PARP15: variants seen among roughly 807,000 people sequenced by gnomAD.
The protein encoded by PARP15 is protein mono-ADP-ribosyltransferase PARP15.
In PARP15, 50 loss-of-function variants were observed where a neutral mutation model predicts 62.1. The ratio of observed to expected loss-of-function variants is 0.81; its 90% CI spans 0.64 to 1.02. The LOEUF is 1.02. Among genes scored for constraint, PARP15 ranks in the 50% least tolerant of loss-of-function variants. The pLI is 0.00. For missense variants in PARP15, 820 were observed against 826.5 expected, an observed-to-expected ratio of 0.99 and a Z score of 0.10; for synonymous variants, 309 against 293.1, an observed-to-expected ratio of 1.05 and a Z score of -0.55.
At chr3:122,633,760 C>T (rs779290445) in intron 10 of PARP15, among the ~76,000 whole-genome samples, 2 of 152,174 alleles carry the variant, frequency 1.3e-5, no homozygotes, top group African/African-American at 2.4e-5. Flanking sequence ...AACCAATCCT[C>T]CATGGATATT....
chr3:122,578,343 T>C (rs1190129787), intron 1 of PARP15, among the ~76,000 whole-genome samples: 1 of 152,226 alleles, frequency 6.6e-6, no homozygotes, highest in Non-Finnish European at 1.5e-5. Context: ...TCACTCATGC[T>C]TGCTTCTAGT....
intron 4 of PARP15, among the ~76,000 whole-genome samples, chr3:122,614,626 G>A (rs966536511): frequency 2.6e-5 from 4 of 152,066 alleles, no homozygotes; most frequent in African/African-American, 4.8e-5. Flanking sequence ...CAAACTGTTC[G>A]TGATATCTGT....
chr3:122,600,784 A>C (rs983153214), intron 1 of PARP15, among the ~76,000 whole-genome samples: 2 of 146,278 alleles, frequency 1.4e-5, no homozygotes, highest in African/African-American at 2.7e-5. Context: ...CCCCAAATTC[A>C]TTATTACCTT....
At chr3:122,607,718 G>A (rs185066634) in intron 2 of PARP15, among the ~76,000 whole-genome samples, 1 of 152,276 alleles carries the variant, frequency 6.6e-6, no homozygotes, top group Admixed American at 6.5e-5. Context: ...TCATATTGGG[G>A]TTTACCTATT....
intron 1 of PARP15, among the ~76,000 whole-genome samples, chr3:122,600,655 C>A: frequency 6.6e-6 from 1 of 152,136 alleles, no homozygotes; most frequent in East Asian, 1.9e-4. Context: ...AATCCCTTTG[C>A]AACATTTGGC....
chr3:122,629,067 G>A (rs1936907066), intron 9 of PARP15, among the ~76,000 whole-genome samples: 1 of 152,208 alleles, frequency 6.6e-6, no homozygotes, highest in Non-Finnish European at 1.5e-5. Flanking sequence ...CATGTGAGTA[G>A]GTGGGATTGA....
At position 122,621,524 on chromosome 3, in the gene PARP15, A is replaced by T; in HGVS notation, c.1144A>T (p.Lys382Ter). 1 of 1,614,104 alleles carries T rather than the reference A, an allele frequency of 6.2e-7. No homozygotes were observed. ...AATAATAATTCATGTTCCTGGGGGAAAAGATGTCAGGAAAACGGTCACCAG... is the reference window on the plus strand; with the variant it reads ...AATAATAATTCATGTTCCTGGGGGATAAGATGTCAGGAAAACGGTCACCAG... ...CKIIIHVPGG[K>*]DVRKTVTSVL... Residue 382 changes from lysine to a stop codon, truncating the protein, a stop_gained, in exon 8 of 12, where the codon AAA becomes TAA. Transcript: ENST00000464300. LOFTEE classifies it high-confidence loss of function.
intron 2 of PARP15, among the ~76,000 whole-genome samples, chr3:122,608,559 T>G (rs758904627): frequency 6.6e-6 from 1 of 152,138 alleles, no homozygotes; most frequent in Non-Finnish European, 1.5e-5. Context: ...CTTGAATGCC[T>G]TGCTGCCTTC....
At chr3:122,605,307 A>T (rs1442182974) in intron 1 of PARP15, among the ~76,000 whole-genome samples, 3 of 152,158 alleles carry the variant, frequency 2.0e-5, no homozygotes, top group Non-Finnish European at 4.4e-5. Flanking sequence ...CCAGGCAAGA[A>T]ATACAGTTGG....
At position 122,636,087 on chromosome 3, in the gene PARP15, C is replaced by A; in HGVS notation, c.2024C>A (p.Thr675Asn). Residue 675 changes from threonine to asparagine, a missense_variant, in exon 12 of 12, where the codon ACT becomes AAT. Around this residue, in one of 3 missense-constraint regions of PARP15, gnomAD observed 84 missense variants for 79.7 expected, o/e 1.05. Transcript: ENST00000464300. ...DNQAYPEYLI[T>N]FTA ...CAGGCTTACCCAGAATATCTCATAA[C>A]TTTCACGGCTTAAAAATATTTTTAT... is the stretch of plus-strand genomic sequence containing the variant. 2 of 1,609,266 alleles carry A rather than the reference C, an allele frequency of 1.2e-6. No homozygotes were observed. The highest frequency in any genetic ancestry group is 2.2e-5 in the South Asian group (2 of 90,860).
intron 3 of PARP15, 21 bp from the exon 4 acceptor site, chr3:122,613,020 A>T: frequency 6.5e-7 from 1 of 1,538,028 alleles, no homozygotes; most frequent in Non-Finnish European, 8.8e-7. Context: ...AACTTATGTA[A>T]ATGTACTTTG....
Position 122,636,019 on chromosome 3 carries a change from C to T in PARP15, c.1956C>T (p.Asn652=), listed in dbSNP as rs1247336152. The part of the protein sequence containing the change: ...NPTDLFDSVT[N]NTRSPKLFVV... The stretch of plus-strand genomic sequence containing the variant: ...CAGATCTCTTTGACTCAGTGACAAA[C>T]AATACACGATCTCCAAAGCTATTTG... The change falls in exon 12 of 12, where the codon AAC becomes AAT. Residue 652 remains asparagine, a synonymous_variant. Coordinates refer to ENST00000464300, the MANE Select transcript of PARP15 (RefSeq NM_001113523.3). 1 of 1,614,040 alleles carries T rather than the reference C, an allele frequency of 6.2e-7. No homozygotes were observed. The highest frequency in any genetic ancestry group is 1.1e-5 in the South Asian group (1 of 91,068).
At chr3:122,634,888 C>A in intron 10 of PARP15, 132 bp from the exon 11 acceptor site, 1 of 882,470 alleles carries the variant, frequency 1.1e-6, no homozygotes, top group East Asian at 2.6e-5. Context: ...TTTGTATTTT[C>A]TTCTCCTTTT....
chr3:122,586,589 G>A (rs1024797964), intron 1 of PARP15, among the ~76,000 whole-genome samples: 1 of 152,080 alleles, frequency 6.6e-6, no homozygotes, highest in African/African-American at 2.4e-5. Flanking sequence ...TCTTAACTTA[G>A]AACTATTTAG....
chr3:122,619,991 G>A lies in PARP15; in HGVS notation c.1063+148G>A. On this transcript the variant is annotated intron_variant, in intron 7 of 11. Transcript: ENST00000464300. ...GTTCACTGGAAGAGCAGGCAGAGGT[G>A]GTGGAACTTGGAGGCTATGGGGGAG... 5.7e-6 allele frequency: 4 copies of A among 705,678 alleles called. No individual in the cohort carries two copies. In the East Asian group the frequency reaches 8.0e-5, roughly 14 times the overall value. 43.7% of individuals were successfully genotyped at this position (705,678 alleles called of 1,614,324 possible). A position where few individuals can be genotyped will look rare whatever the true frequency, so the allele number is the denominator to read the frequency against.
chr3:122,582,155 A>G (rs1188196018), intron 1 of PARP15, among the ~76,000 whole-genome samples: 1 of 150,338 alleles, frequency 6.7e-6, no homozygotes, highest in Admixed American at 6.7e-5. Context: ...TTTTTATTTC[A>G]CATTTATTGT....
At chr3:122,634,245 T>A (rs925335012) in intron 10 of PARP15, among the ~76,000 whole-genome samples, 2 of 152,176 alleles carry the variant, frequency 1.3e-5, no homozygotes, top group Non-Finnish European at 2.9e-5. Context: ...TAGCCCCTTG[T>A]GTGTTCTCCT....
intron 8 of PARP15, among the ~76,000 whole-genome samples, chr3:122,624,937 T>C (rs1936601349): frequency 6.6e-6 from 1 of 152,180 alleles, no homozygotes; most frequent in Non-Finnish European, 1.5e-5. Context: ...GAGGGTAGGT[T>C]CAACCTAGCA....
intron 1 of PARP15, among the ~76,000 whole-genome samples, chr3:122,590,352 A>G (rs1206547731): frequency 1.3e-5 from 2 of 151,926 alleles, no homozygotes; most frequent in African/African-American, 4.8e-5. Flanking sequence ...GGCTCACTGC[A>G]AGCTCCACCT....
Sources: gnomAD v4.1 joint callset for allele counts (sites outside exome capture counted in the v4.1 genomes callset) on GRCh38, gnomAD v4.1.1 for gene constraint, gnomAD v4.1.1 regional missense constraint, MANE v1.5 for transcripts, NCBI Gene and HGNC (gene_info 2026-07-23, HGNC 2026-07-21) for gene names.